The following METTL25 variants were observed in gnomAD, a reference collection of about 807,000 sequenced individuals.
The protein encoded by METTL25 is methyltransferase like 25.
In METTL25, 64 loss-of-function variants were observed where a neutral mutation model predicts 71.6. The ratio of observed to expected loss-of-function variants is 0.89; its 90% CI spans 0.73 to 1.10. The LOEUF (loss-of-function observed/expected upper bound fraction) is 1.10, where lower values mean the gene tolerates loss of function less well. Ranked by LOEUF, METTL25 falls within the 50% of genes least tolerant of loss-of-function variation. The pLI is 0.00. For missense variants in METTL25, 807 were observed against 707.0 expected (o/e 1.14, Z -1.60); for synonymous variants, 287 against 250.3 (o/e 1.15, Z -1.38).
chr12:82,412,143 G>A (rs1213711435), intron 5 of METTL25, among the ~76,000 whole-genome samples: 2 of 151,946 alleles, frequency 1.3e-5, no homozygotes, highest in African/African-American at 4.8e-5. Flanking sequence ...CTGGTATATA[G>A]AGAAATAAAT....
intron 9 of METTL25, among the ~76,000 whole-genome samples, chr12:82,469,306 G>A (rs1405066408): frequency 6.6e-6 from 1 of 152,116 alleles, no homozygotes; most frequent in Non-Finnish European, 1.5e-5. Flanking sequence ...ATAAAGAACT[G>A]CCCGAGACTG....
At chr12:82,392,023 A>G (rs1204377055) in intron 3 of METTL25, among the ~76,000 whole-genome samples, 1 of 150,644 alleles carries the variant, frequency 6.6e-6, no homozygotes, top group East Asian at 1.9e-4. Flanking sequence ...GGCCATTTGT[A>G]TGTCTTCATG....
At chr12:82,399,908 A>G (rs1886430993) in intron 4 of METTL25, among the ~76,000 whole-genome samples, 1 of 151,366 alleles carries the variant, frequency 6.6e-6, no homozygotes, top group Non-Finnish European at 1.5e-5. Context: ...ACAGTATTAT[A>G]GAGGAGATTC....
At chr12:82,443,637 A>C (rs1890525685) in intron 8 of METTL25, among the ~76,000 whole-genome samples, 1 of 152,182 alleles carries the variant, frequency 6.6e-6, no homozygotes, top group Non-Finnish European at 1.5e-5. Context: ...CAGACTATAC[A>C]AGAAGAATGG....
At chr12:82,379,720 G>A (rs1022696484) in intron 1 of METTL25, among the ~76,000 whole-genome samples, 1 of 152,176 alleles carries the variant, frequency 6.6e-6, no homozygotes, top group Non-Finnish European at 1.5e-5. Flanking sequence ...GGGACATGAT[G>A]CCCAGTGCTA....
intron 8 of METTL25, 48 bp from the exon 9 acceptor site, chr12:82,456,679 A>G (rs773678916): frequency 2.0e-5 from 22 of 1,077,360 alleles, no homozygotes; most frequent in Non-Finnish European, 2.9e-5. Flanking sequence ...AAAACCATCT[A>G]AAATTTACAT....
At chr12:82,436,739 A>G (rs912277114) in intron 7 of METTL25, among the ~76,000 whole-genome samples, 3 of 151,514 alleles carry the variant, frequency 2.0e-5, no homozygotes, top group Non-Finnish European at 4.4e-5. Context: ...TATTTATTTC[A>G]AAGTTATCTT....
chr12:82,410,311 T>A (rs1009129558), intron 5 of METTL25, among the ~76,000 whole-genome samples: 1 of 152,136 alleles, frequency 6.6e-6, no homozygotes, highest in African/African-American at 2.4e-5. Context: ...TTAATGGCAA[T>A]GAATTAATCC....
At chr12:82,457,785 T>C (rs1891594723) in intron 9 of METTL25, among the ~76,000 whole-genome samples, 1 of 152,104 alleles carries the variant, frequency 6.6e-6, no homozygotes, top group South Asian at 2.1e-4. Flanking sequence ...TATAAATATT[T>C]TTATTTAGTC....
At chr12:82,380,879 G>C (rs573334588) in intron 1 of METTL25, among the ~76,000 whole-genome samples, 1 of 152,162 alleles carries the variant, frequency 6.6e-6, no homozygotes, top group African/African-American at 2.4e-5. Flanking sequence ...TCACCGAAAT[G>C]GTAACATTTG....
intron 1 of METTL25, among the ~76,000 whole-genome samples, chr12:82,367,317 T>TA (rs751035500): frequency 6.6e-6 from 1 of 152,248 alleles, no homozygotes; most frequent in African/African-American, 2.4e-5. Flanking sequence ...AGCTTATAGT[T>TA]ATGGTTACCT....
chr12:82,441,117 C>T (rs1372594917), intron 8 of METTL25, among the ~76,000 whole-genome samples: 1 of 152,000 alleles, frequency 6.6e-6, no homozygotes. Flanking sequence ...AAGATTTATA[C>T]TGTAAGAGTT....
rs560882080 is a variant in METTL25 at position 82,442,435 on chromosome 12, T to C, written c.1478+3644T>C. 3.3e-5 allele frequency among the ~76,000 whole-genome samples: 5 copies of C among 152,192 alleles called. No individual in the cohort carries two copies. In the South Asian group the frequency reaches 1.0e-3, roughly 32 times the overall value. On this transcript the variant is annotated intron_variant, in intron 8 of 11. Coordinates refer to ENST00000248306, the MANE Select transcript of METTL25 (RefSeq NM_032230.3). ...TTGTGGATACACACAACAACCTGAG[T>C]GAATCTCCAGAGAATTATACTGAAT... is the stretch of plus-strand genomic sequence containing the variant.
intron 1 of METTL25, among the ~76,000 whole-genome samples, chr12:82,381,723 A>G (rs1884460751): frequency 6.6e-6 from 1 of 152,372 alleles, no homozygotes; most frequent in Non-Finnish European, 1.5e-5. Flanking sequence ...TTAAACAATT[A>G]CCAAAGATTT....
chr12:82,379,806 G>A (rs530981250), intron 1 of METTL25, among the ~76,000 whole-genome samples: 18 of 152,222 alleles, frequency 1.2e-4, no homozygotes, highest in African/African-American at 4.3e-4. Flanking sequence ...TTAACTATTG[G>A]ACCTCCATGT....
chr12:82,471,528 A>G (rs1281146904), intron 9 of METTL25, among the ~76,000 whole-genome samples: 1 of 152,204 alleles, frequency 6.6e-6, no homozygotes, highest in Admixed American at 6.5e-5. Context: ...ATATATAGAG[A>G]CTTAGGGTAC....
chr12:82,377,421 G>T (rs1040162908), intron 1 of METTL25, among the ~76,000 whole-genome samples: 1 of 152,096 alleles, frequency 6.6e-6, no homozygotes, highest in African/African-American at 2.4e-5. Flanking sequence ...TGTATGTTTG[G>T]TATCTTAAAT....
intron 8 of METTL25, among the ~76,000 whole-genome samples, chr12:82,441,198 A>C (rs2137193764): frequency 6.6e-6 from 1 of 152,084 alleles, no homozygotes; most frequent in Non-Finnish European, 1.5e-5. Context: ...CAATTAAAGT[A>C]TTTCAGATTA....
chr12:82,438,881 G>A, intron 8 of METTL25, 90 bp downstream of exon 8: 1 of 1,221,930 alleles, frequency 8.2e-7, no homozygotes, highest in East Asian at 2.9e-5. Flanking sequence ...CAGGGTCACT[G>A]TTATTAGTAG....
Sources: allele counts gnomAD v4.1 joint callset (sites outside exome capture counted in the v4.1 genomes callset), GRCh38; gene constraint gnomAD v4.1.1; transcripts MANE v1.5; gene names NCBI Gene and HGNC (gene_info 2026-07-23, HGNC 2026-07-21).